RNF213: variants seen among roughly 807,000 people sequenced by gnomAD.
The protein encoded by RNF213 is ring finger protein 213.
In RNF213, 341 loss-of-function variants were observed where a neutral mutation model predicts 514.4. The observed-to-expected ratio is 0.66, with a 90% CI of 0.61 to 0.73. RNF213 has a LOEUF of 0.73. Ranked by LOEUF, RNF213 falls within the 30% of genes least tolerant of loss-of-function variation. RNF213 has a pLI of 0.00. For synonymous variants in RNF213, 2,655 were observed against 2,658.2 expected (o/e 1.00, Z 0.04); for missense variants, 5,767 against 6,615.6 (o/e 0.87, Z 4.45).
In RNF213 at chr17:80,317,296, C is replaced by T; in HGVS notation, c.2901+19C>T. 6.2e-7 allele frequency: 1 copy of T among 1,607,442 alleles called. No individual in the cohort carries two copies. Among genetic ancestry groups the T allele is most frequent in the Non-Finnish European group, 8.5e-7 (1 of 1,177,246 alleles). ...CACAAAGGTACCAAAAGTTTGGGGG[C>T]AGTCTTTTCAGGGCGTGAAGGCAAG... On this transcript the variant is annotated intron_variant, in intron 16 of 67. Coordinates refer to ENST00000582970, the MANE Select transcript of RNF213 (RefSeq NM_001256071.3). This position sits in a 1 kb window ranked among gnomAD's most constrained non-coding sequence, Gnocchi z 4.1.
chr17:80,372,372 G>T, intron 47 of RNF213, 149 bp from the exon 48 acceptor site: 1 of 652,342 alleles, frequency 1.5e-6, no homozygotes. Flanking sequence ...GGAATGTTAG[G>T]TTTCCATAAG....
intron 64 of RNF213, 165 bp from the exon 65 acceptor site, chr17:80,389,008 T>C (rs2080352342): frequency 1.5e-6 from 1 of 673,166 alleles, no homozygotes; most frequent in Non-Finnish European, 2.6e-6. Context: ...TGTGTCTCCA[T>C]GGCCTCCAGG....
intron 41 of RNF213, 89 bp from the exon 42 acceptor site, chr17:80,364,344 C>T: frequency 3.1e-6 from 5 of 1,588,292 alleles, no homozygotes; most frequent in Non-Finnish European, 4.3e-6. Flanking sequence ...CCGGGTCCCG[C>T]ATCTCTTCTC....
Position 80,339,675 on chromosome 17 carries a change from T to TC in RNF213, c.5309dup (p.Glu1771ArgfsTer91). 1 of 1,537,180 alleles carries TC rather than the reference T, an allele frequency of 6.5e-7. No homozygotes were observed. Reference sequence around the variant, plus strand: ...GGAAGAGCTCCCGCTGATGCTCTTATCAGAGTTCAGCCTGGTGGACAAGCT... The same window carrying TC: ...GGAAGAGCTCCCGCTGATGCTCTTATCCAGAGTTCAGCCTGGTGGACAAGCT... On this transcript the variant is annotated frameshift_variant, in exon 26 of 68. Transcript: ENST00000582970. LOFTEE classifies it high-confidence loss of function.
chr17:80,361,863 G>A lies in RNF213; in HGVS notation c.11330G>A (p.Arg3777His), dbSNP rs748790924. 2.4e-5 allele frequency: 39 copies of A among 1,613,304 alleles called. No individual in the cohort carries two copies. The highest frequency in any genetic ancestry group is 2.3e-4 in the Admixed American group (14 of 59,984). Residue 3777 changes from arginine (R) to histidine (H), a missense_variant, in exon 39 of 68, where the codon CGT becomes CAT. This residue lies in a region of RNF213 where 355 missense variants were observed against 358.0 expected (regional missense o/e 0.99). Transcript: ENST00000582970. Reference sequence around the variant, plus strand: ...AAGGATTTCATTCTCTTGACCATGCGTGTGTCAACGGAGGAGGAATTAAAG... The same window carrying A: ...AAGGATTTCATTCTCTTGACCATGCATGTGTCAACGGAGGAGGAATTAAAG... The part of the protein sequence containing the change: ...YLKDFILLTM[R>H]VSTEEELKFL...
intron 13 of RNF213, among the ~76,000 whole-genome samples, chr17:80,307,680 G>A (rs1457006012): frequency 2.0e-5 from 3 of 152,088 alleles, no homozygotes; most frequent in East Asian, 3.9e-4. Context: ...CTCCTGAGTA[G>A]CTGGGATTAC....
chr17:80,369,719 G>T, intron 45 of RNF213, 48 bp downstream of exon 45: 1 of 1,613,142 alleles, frequency 6.2e-7, no homozygotes, highest in Non-Finnish European at 8.5e-7. Context: ...TCTTCATCTC[G>T]CTTCTGCATG....
chr17:80,348,816 C>G (rs1247546799), intron 29 of RNF213, among the ~76,000 whole-genome samples: 2 of 152,148 alleles, frequency 1.3e-5, no homozygotes, highest in African/African-American at 2.4e-5. Context: ...GCTGACAGCT[C>G]TTAGGGTTCA....
rs574324065 is a variant in RNF213 at position 80,397,054 on chromosome 17, G to C, written c.*3556G>C. ...ATCACTGCTACCTGTGCCCTGAAGC[G>C]CAACAGAACCTCAACCCAGAGGACA... On this transcript the variant is annotated 3_prime_UTR_variant, in exon 68 of 68. Coordinates refer to ENST00000582970, the MANE Select transcript of RNF213 (RefSeq NM_001256071.3). 24 of 152,344 alleles carry C rather than the reference G, an allele frequency of 1.6e-4. No individual in the cohort carries two copies. The highest frequency in any genetic ancestry group is 5.8e-4 in the African/African-American group (24 of 41,400). The allele number at this position is 152,344 out of a possible 1,614,324, so 9.4% of individuals were successfully genotyped here. A position where few individuals can be genotyped will look rare whatever the true frequency, so the allele number is the denominator to read the frequency against.
chr17:80,319,723 A>T (rs1309725922), intron 17 of RNF213: 1 of 1,408,184 alleles, frequency 7.1e-7, no homozygotes, highest in East Asian at 2.7e-5. Flanking sequence ...AATATGTGAA[A>T]TGGAAAATTG....
At chr17:80,388,181 G>A (rs1252662573) in intron 63 of RNF213, among the ~76,000 whole-genome samples, 1 of 152,116 alleles carries the variant, frequency 6.6e-6, no homozygotes, top group East Asian at 1.9e-4. Flanking sequence ...AGCCAGGATG[G>A]TCTCGATCTC....
intron 16 of RNF213, among the ~76,000 whole-genome samples, chr17:80,318,643 G>A (rs201059019): frequency 0.068 from 10,309 of 151,850 alleles, 490 homozygotes; most frequent in East Asian, 0.22. Context: ...GCGGGATCTC[G>A]GCTCACTGCA....
chr17:80,369,536 A>G lies in RNF213; in HGVS notation c.12190A>G (p.Met4064Val). 6.2e-7 allele frequency: 1 copy of G among 1,614,116 alleles called. No individual in the cohort carries two copies. The highest frequency in any genetic ancestry group is 8.5e-7 in the Non-Finnish European group (1 of 1,180,038). ...AIEKHARFRQ[M>V]CNSFFVDLVS... ...TGAAAAGCATGCCCGCTTCCGGCAG[A>G]TGTGCAACAGTTTCTTCGTAGACCT... The change falls in exon 45 of 68, where the codon ATG becomes GTG. Residue 4064 changes from methionine to valine, a missense_variant. This residue lies in a region of RNF213 where 93 missense variants were observed against 95.6 expected (regional missense o/e 0.97). Coordinates refer to ENST00000582970, the MANE Select transcript of RNF213 (RefSeq NM_001256071.3).
rs1402524191 is a variant in RNF213, at chr17:80,381,080, T to C, written c.13797+93T>C. 7 of 1,271,184 alleles carry C rather than the reference T, an allele frequency of 5.5e-6. No individual in the cohort carries two copies. The Admixed American group carries it at 1.0e-4, about 18-fold the overall frequency. 78.7% of individuals were successfully genotyped at this position (1,271,184 alleles called of 1,614,324 possible). On this transcript the variant is annotated intron_variant, in intron 56 of 67. Transcript: ENST00000582970. Reference sequence around the variant, plus strand: ...CTTTTGTCTTGAGTCCTAGCTGCCATCTATGCGTTTTGGAGATAATTAGTC... The same window carrying C: ...CTTTTGTCTTGAGTCCTAGCTGCCACCTATGCGTTTTGGAGATAATTAGTC...
rs763070975 is a variant in RNF213 at position 80,340,166 on chromosome 17, C to A, written c.5799C>A (p.Asp1933Glu). The change falls in exon 26 of 68, where the codon GAC (aspartate) becomes GAA (glutamate). Residue 1933 changes from aspartate (D) to glutamate (E), a missense_variant. By Grantham distance (45) the Asp-to-Glu change is conservative. This residue lies in a region of RNF213 where 1,377 missense variants were observed against 1,635.2 expected (regional missense o/e 0.84). Transcript: ENST00000582970. ...AGCTCGTCATGGTCTGTGATGGGGA[C>A]TGGGAGCACTGCTACCTCCCCTCTG... ...DYQLVMVCDG[D>E]WEHCYLPSAF... 6.2e-7 allele frequency: 1 copy of A among 1,614,056 alleles called. No individual in the cohort carries two copies. Among genetic ancestry groups the A allele is most frequent in the African/African-American group, 1.3e-5 (1 of 75,014 alleles).
At chr17:80,348,765 G>C (rs372946741) in intron 29 of RNF213, among the ~76,000 whole-genome samples, 2 of 152,232 alleles carry the variant, frequency 1.3e-5, no homozygotes, top group African/African-American at 4.8e-5. Context: ...AAGAATGGCC[G>C]GGAAGGGATT....
chr17:80,320,758 G>A (rs1490433424), intron 17 of RNF213: 1 of 152,092 alleles, frequency 6.6e-6, no homozygotes, highest in Non-Finnish European at 1.5e-5. Flanking sequence ...CGGCACTTTG[G>A]GAGCCCAGGA....
At chr17:80,308,567 T>C (rs1321702060) in intron 13 of RNF213, among the ~76,000 whole-genome samples, 1 of 152,110 alleles carries the variant, frequency 6.6e-6, no homozygotes, top group African/African-American at 2.4e-5. Context: ...GTCCCTGCTC[T>C]GTCCATGTGT....
rs751213045 is a variant in RNF213 at position 80,386,471 on chromosome 17, C to G, written c.14720+41C>G. On this transcript the variant is annotated intron_variant, in intron 62 of 67. Coordinates refer to ENST00000582970, the MANE Select transcript of RNF213 (RefSeq NM_001256071.3). ...ACCAGGAAGTGGTGCCTGCTCAGCC[C>G]AGAGTCCCTAAGCCCAGTGGGGCAG... The G allele has an allele frequency of 9.3e-6, 15 of 1,606,388 alleles. No individual in the cohort carries two copies. The African/African-American group carries it at 1.9e-4, about 20-fold the overall frequency.
Sources: allele counts gnomAD v4.1 joint callset (sites outside exome capture counted in the v4.1 genomes callset), GRCh38; gene constraint gnomAD v4.1.1; regional missense constraint gnomAD v4.1.1; non-coding constraint Gnocchi (gnomAD v3.1); transcripts MANE v1.5; gene names NCBI Gene and HGNC (gene_info 2026-07-23, HGNC 2026-07-21).